Variants in CDKL2 observed in about 807,000 individuals in gnomAD.
The protein encoded by CDKL2 is cyclin dependent kinase like 2.
A neutral mutation model predicts 63.9 loss-of-function variants in CDKL2; 64 were observed. The ratio of observed to expected loss-of-function variants is 1.00; its 90% CI spans 0.82 to 1.23. CDKL2 has a LOEUF of 1.23. Ranked by LOEUF, CDKL2 falls within the 50% of genes most tolerant of loss-of-function variation. The pLI is 0.00. For synonymous variants in CDKL2, 211 were observed against 229.2 expected (o/e 0.92, Z 0.72); for missense variants, 656 against 668.0 (o/e 0.98, Z 0.20).
At chr4:75,610,311 C>G (rs1052989035) in intron 3 of CDKL2, among the ~76,000 whole-genome samples, 1 of 152,138 alleles carries the variant, frequency 6.6e-6, no homozygotes, top group African/African-American at 2.4e-5. Context: ...CTTTCTAAGT[C>G]TATCCTCTCG....
At chr4:75,586,230 T>C (rs941884889) in intron 12 of CDKL2, among the ~76,000 whole-genome samples, 1 of 78,100 alleles carries the variant, frequency 1.3e-5, no homozygotes. Context: ...AACCTTTCTT[T>C]TTTTTTTTTT....
chr4:75,582,913 A>T (rs1484455235), intron 12 of CDKL2, among the ~76,000 whole-genome samples: 1 of 152,208 alleles, frequency 6.6e-6, no homozygotes, highest in East Asian at 1.9e-4. Context: ...AAAAACAAAA[A>T]CAAAAATATG....
intron 6 of CDKL2, among the ~76,000 whole-genome samples, chr4:75,602,837 T>C (rs549941742): frequency 2.0e-5 from 3 of 152,274 alleles, no homozygotes; most frequent in African/African-American, 7.2e-5. Flanking sequence ...TTTTATTTTC[T>C]TATCCTACTT....
intron 2 of CDKL2, among the ~76,000 whole-genome samples, chr4:75,621,204 G>A (rs946437552): frequency 1.3e-5 from 2 of 149,530 alleles, no homozygotes; most frequent in East Asian, 4.0e-4. Flanking sequence ...CCAAAGTGCT[G>A]AGATTAACAG....
chr4:75,598,490 A>G (rs1363033612), intron 7 of CDKL2, among the ~76,000 whole-genome samples: 1 of 152,134 alleles, frequency 6.6e-6, no homozygotes, highest in Non-Finnish European at 1.5e-5. Context: ...AGTGGTGGAT[A>G]AAACTGCTGA....
intron 1 of CDKL2, among the ~76,000 whole-genome samples, chr4:75,629,615 T>G (rs565288167): frequency 5.1e-4 from 77 of 152,242 alleles, no homozygotes; most frequent in African/African-American, 1.9e-3. Context: ...ATAAAAATAT[T>G]TGGAGAATGC....
chr4:75,603,355 C>T (rs930315235), intron 6 of CDKL2, among the ~76,000 whole-genome samples: 1 of 151,840 alleles, frequency 6.6e-6, no homozygotes, highest in Non-Finnish European at 1.5e-5. Context: ...TCCTTTTTCT[C>T]TGAAGTTACC....
At chr4:75,614,508 C>A in intron 2 of CDKL2, 59 bp from the exon 3 acceptor site, 1 of 1,070,448 alleles carries the variant, frequency 9.3e-7, no homozygotes, top group Non-Finnish European at 1.3e-6. Context: ...TTTATATAAA[C>A]TAAGATCAAA....
At chr4:75,605,718 C>A in intron 4 of CDKL2, 84 bp from the exon 5 acceptor site, 3 of 770,758 alleles carry the variant, frequency 3.9e-6, no homozygotes, top group South Asian at 1.6e-5. Flanking sequence ...AGGTGATGCT[C>A]AAAGGAAATG....
intron 1 of CDKL2, among the ~76,000 whole-genome samples, 200 bp downstream of exon 1, chr4:75,629,842 G>A (rs920570487): frequency 6.7e-6 from 1 of 150,054 alleles, no homozygotes; most frequent in Admixed American, 6.7e-5. Flanking sequence ...GGAGGCTGAG[G>A]CAGGATAATC....
intron 3 of CDKL2, among the ~76,000 whole-genome samples, chr4:75,608,193 C>T (rs1169842972): frequency 7.9e-6 from 1 of 127,124 alleles, no homozygotes; most frequent in East Asian, 2.6e-4. Context: ...GGCGCGATTT[C>T]GGCTCACTTC....
At chr4:75,596,740 C>T (rs976342469) in intron 9 of CDKL2, among the ~76,000 whole-genome samples, 195 bp downstream of exon 9, 4 of 152,146 alleles carry the variant, frequency 2.6e-5, no homozygotes, top group African/African-American at 9.7e-5. Context: ...TTTCTCAGGA[C>T]TTTGGTGAAT....
intron 6 of CDKL2, among the ~76,000 whole-genome samples, chr4:75,600,780 A>G (rs1198217200): frequency 6.6e-6 from 1 of 152,172 alleles, no homozygotes; most frequent in Non-Finnish European, 1.5e-5. Flanking sequence ...TTACACATCA[A>G]TAATCAAGGA....
chr4:75,603,737 A>G (rs1448765520), intron 6 of CDKL2, 80 bp downstream of exon 6: 27 of 875,786 alleles, frequency 3.1e-5, no homozygotes, highest in Non-Finnish European at 4.2e-5. Flanking sequence ...AAGATCAACT[A>G]GACAAGTAAA....
At chr4:75,623,218 G>T (rs1262134119) in intron 2 of CDKL2, among the ~76,000 whole-genome samples, 1 of 152,116 alleles carries the variant, frequency 6.6e-6, no homozygotes, top group Non-Finnish European at 1.5e-5. Context: ...GGCAGAGATT[G>T]CAATGAGTCA....
chr4:75,583,418 C>T (rs1166932621), intron 12 of CDKL2, among the ~76,000 whole-genome samples: 5 of 152,182 alleles, frequency 3.3e-5, no homozygotes, highest in Non-Finnish European at 5.9e-5. Context: ...CCAAAGAAAT[C>T]CTTTGCATTC....
chr4:75,588,002 G>C (rs1728551692), intron 12 of CDKL2, among the ~76,000 whole-genome samples: 1 of 151,502 alleles, frequency 6.6e-6, no homozygotes, highest in Non-Finnish European at 1.5e-5. Context: ...ATCACCTGAG[G>C]TCGGGAGTTC....
chr4:75,599,475 CG>C (rs1426593494), intron 7 of CDKL2, among the ~76,000 whole-genome samples: 2 of 142,134 alleles, frequency 1.4e-5, no homozygotes, highest in East Asian at 4.9e-4. Context: ...GCAAGAGAAT[CG>C]CTTGAACCCA....
rs768232029 is a variant in CDKL2, at chr4:75,597,262, A to G, written c.1021-26T>C. ...CTGATCATTAACAAAAATATTAATA[A>G]GGTTAATGATCTGAAGAGAATGAAA... On this transcript the variant is annotated intron_variant, in intron 8 of 13. Transcript: ENST00000307465. The G allele has an allele frequency of 1.1e-5, 15 of 1,415,422 alleles. No homozygotes were observed. In the South Asian group the frequency reaches 1.8e-4, roughly 17 times the overall value. 87.7% of individuals were successfully genotyped at this position (1,415,422 alleles called of 1,614,324 possible).
Sources: gnomAD v4.1 joint callset for allele counts (sites outside exome capture counted in the v4.1 genomes callset) on GRCh38, gnomAD v4.1.1 for gene constraint, MANE v1.5 for transcripts, NCBI Gene and HGNC (gene_info 2026-07-23, HGNC 2026-07-21) for gene names.